Variants in PAPPA2 observed in about 807,000 individuals in gnomAD.
The protein encoded by PAPPA2 is pappalysin-2.
A neutral mutation model predicts 176.4 loss-of-function variants in PAPPA2; 86 were observed. The ratio of observed to expected loss-of-function variants is 0.49; its 90% CI spans 0.41 to 0.58. The LOEUF (loss-of-function observed/expected upper bound fraction) is 0.58, where lower values mean the gene tolerates loss of function less well. PAPPA2 is among the 20% of genes least tolerant of loss of function. PAPPA2 has a pLI of 0.00. For missense variants in PAPPA2, 2,073 were observed against 2,256.9 expected (o/e 0.92, Z 1.65); for synonymous variants, 809 against 852.2 (o/e 0.95, Z 0.88).
At position 176,574,508 on chromosome 1, in the gene PAPPA2, T is replaced by A. The variant is rs115434037; in HGVS notation, c.919+17267T>A. On this transcript the variant is annotated intron_variant, in intron 2 of 22. Transcript: ENST00000367662. ...ATATTGTTTACCATTTTAAAAAAAA[T>A]TTTCAATTGACTGCTGGGCAGCTCC... 8.3e-3 allele frequency among the ~76,000 whole-genome samples: 1,265 copies of A among 152,228 alleles called. 17 individuals are homozygous for A. Among genetic ancestry groups the A allele is most frequent in the African/African-American group, 0.027 (1,102 of 41,526 alleles).
chr1:176,731,655 A>ATG (rs778351283), intron 12 of PAPPA2, among the ~76,000 whole-genome samples: 4 of 151,430 alleles, frequency 2.6e-5, no homozygotes, highest in Non-Finnish European at 5.9e-5. Flanking sequence ...ATATATACAT[A>ATG]TGTGTGTGTG....
intron 21 of PAPPA2, among the ~76,000 whole-genome samples, chr1:176,832,076 A>G (rs1473304847): frequency 6.6e-6 from 1 of 152,080 alleles, no homozygotes; most frequent in Non-Finnish European, 1.5e-5. Context: ...CTCTAGGGAG[A>G]CAATTCAGGC....
chr1:176,676,564 G>A (rs1206638367), intron 4 of PAPPA2, among the ~76,000 whole-genome samples: 2 of 152,010 alleles, frequency 1.3e-5, no homozygotes, highest in African/African-American at 2.4e-5. Context: ...TGATTTCCAG[G>A]GTTTAAGAAT....
At chr1:176,568,103 A>C (rs988658400) in intron 2 of PAPPA2, among the ~76,000 whole-genome samples, 7 of 152,192 alleles carry the variant, frequency 4.6e-5, no homozygotes, top group African/African-American at 1.7e-4. Context: ...GGGGCAGAGG[A>C]GATGTCAGAA....
At chr1:176,545,964 C>T (rs1249815131) in intron 1 of PAPPA2, among the ~76,000 whole-genome samples, 2 of 152,084 alleles carry the variant, frequency 1.3e-5, no homozygotes, top group Admixed American at 1.3e-4. Flanking sequence ...GCACACTTAC[C>T]AAACTGAGGA....
At chr1:176,497,849 C>T (rs1371233748) in intron 1 of PAPPA2, among the ~76,000 whole-genome samples, 1 of 152,168 alleles carries the variant, frequency 6.6e-6, no homozygotes, top group African/African-American at 2.4e-5. Flanking sequence ...CCTTATGTTA[C>T]CTTTCTGAAT....
chr1:176,766,662 C>A (rs1020103332), intron 15 of PAPPA2, among the ~76,000 whole-genome samples: 1 of 152,140 alleles, frequency 6.6e-6, no homozygotes, highest in Non-Finnish European at 1.5e-5. Flanking sequence ...GTATTATGAG[C>A]ATGATCATGT....
intron 15 of PAPPA2, among the ~76,000 whole-genome samples, chr1:176,766,622 G>C (rs1571296413): frequency 6.6e-6 from 1 of 152,090 alleles, no homozygotes; most frequent in East Asian, 1.9e-4. Flanking sequence ...AAAATGATAG[G>C]TACATAGCAC....
At chr1:176,809,865 G>A (rs1327887106) in intron 21 of PAPPA2, among the ~76,000 whole-genome samples, 1 of 152,006 alleles carries the variant, frequency 6.6e-6, no homozygotes, top group Non-Finnish European at 1.5e-5. Flanking sequence ...TGGCAATCAC[G>A]GGCTTCTGCA....
chr1:176,567,211 T>C lies in PAPPA2; in HGVS notation c.919+9970T>C, dbSNP rs796258854. On this transcript the variant is annotated intron_variant, in intron 2 of 22. Transcript: ENST00000367662. ...AGAACATCCAGTAAAGAAAACTCAG[T>C]GGGCAAACAAAAACATCCTAGTTCT... Among the ~76,000 whole-genome samples, 3 of 152,192 alleles carry C rather than the reference T, an allele frequency of 2.0e-5. No individual in the cohort carries two copies. The South Asian group carries it at 6.2e-4, about 32-fold the overall frequency.
chr1:176,500,403 GC>G (rs1188750764), intron 1 of PAPPA2, among the ~76,000 whole-genome samples: 1 of 150,802 alleles, frequency 6.6e-6, no homozygotes, highest in Non-Finnish European at 1.5e-5. Flanking sequence ...CCTAATATAT[GC>G]TATTTCTAAA....
chr1:176,827,145 GTTC>G (rs755681538), intron 21 of PAPPA2, among the ~76,000 whole-genome samples: 5 of 152,096 alleles, frequency 3.3e-5, no homozygotes, highest in African/African-American at 7.2e-5. Context: ...AGCCAGTTCT[GTTC>G]TTCTTCGTTC....
intron 20 of PAPPA2, among the ~76,000 whole-genome samples, chr1:176,797,273 A>G (rs1665483980): frequency 1.3e-5 from 2 of 152,226 alleles, no homozygotes. Flanking sequence ...AATTTTTGAT[A>G]AAGTTAGGCA....
At chr1:176,750,809 AT>A (rs1344872518) in intron 14 of PAPPA2, among the ~76,000 whole-genome samples, 1 of 152,156 alleles carries the variant, frequency 6.6e-6, no homozygotes, top group Non-Finnish European at 1.5e-5. Context: ...AACATATAAA[AT>A]TTGAGTCAAG....
In PAPPA2 at chr1:176,483,460, C is replaced by CTTT. The variant is rs56705620; in HGVS notation, c.-917+20068_-917+20070dup. Among the ~76,000 whole-genome samples the CTTT allele has an allele frequency of 1.8e-3, 87 of 48,626 alleles. 4 individuals carry two copies. Among genetic ancestry groups the CTTT allele is most frequent in the African/African-American group, 6.2e-3 (84 of 13,628 alleles). The allele number at this position is 48,626 out of a possible 152,430, so 31.9% of individuals were successfully genotyped here. On this transcript the variant is annotated intron_variant, in intron 1 of 22. Coordinates refer to ENST00000367662, the MANE Select transcript of PAPPA2 (RefSeq NM_020318.3). ...CCTCCCTTAGGTGAAACTCAGACATCTTTTTTTTTTTTTTTTTTTTTTTTT... is the reference window on the plus strand; with the variant it reads ...CCTCCCTTAGGTGAAACTCAGACATCTTTTTTTTTTTTTTTTTTTTTTTTTTTT...
intron 2 of PAPPA2, among the ~76,000 whole-genome samples, chr1:176,567,323 T>TC (rs1652047754): frequency 6.6e-6 from 1 of 152,162 alleles, no homozygotes; most frequent in African/African-American, 2.4e-5. Context: ...CTCAGAACAT[T>TC]TGAAGTATTG....
At chr1:176,485,179 T>A (rs952870280) in intron 1 of PAPPA2, among the ~76,000 whole-genome samples, 3 of 152,216 alleles carry the variant, frequency 2.0e-5, no homozygotes, top group Admixed American at 6.5e-5. Context: ...GCAGCTAAAG[T>A]GTCCTTGTAA....
chr1:176,606,088 T>C (rs1254133989), intron 3 of PAPPA2, among the ~76,000 whole-genome samples: 3 of 151,614 alleles, frequency 2.0e-5, no homozygotes, highest in African/African-American at 4.8e-5. Flanking sequence ...CACACACATA[T>C]ATATATAATT....
intron 3 of PAPPA2, among the ~76,000 whole-genome samples, chr1:176,607,185 T>C (rs1004355106): frequency 6.6e-6 from 1 of 152,218 alleles, no homozygotes; most frequent in African/African-American, 2.4e-5. Flanking sequence ...TCCATCACTT[T>C]GAGTATTTAT....
Sources: allele counts gnomAD v4.1 joint callset (sites outside exome capture counted in the v4.1 genomes callset), GRCh38; gene constraint gnomAD v4.1.1; transcripts MANE v1.5; gene names NCBI Gene and HGNC (gene_info 2026-07-23, HGNC 2026-07-21).